The following DLG2 variants were observed in gnomAD, a reference collection of about 807,000 sequenced individuals.
DLG2 encodes the protein disks large homolog 2.
In DLG2, 45 loss-of-function variants were observed where a neutral mutation model predicts 132.5. The ratio of observed to expected loss-of-function variants is 0.34; its 90% confidence interval spans 0.27 to 0.44. The LOEUF (loss-of-function observed/expected upper bound fraction) is 0.44. Ranked by LOEUF, DLG2 falls within the 20% of genes least tolerant of loss-of-function variation. DLG2 has a pLI of 1.00. For missense variants in DLG2, 1,045 were observed against 1,196.9 expected (o/e 0.87, Z 1.87); for synonymous variants, 424 against 419.6 (o/e 1.01, Z -0.13).
chr11:84,887,591 C>A (rs1811085670), intron 6 of DLG2, among the ~76,000 whole-genome samples: 1 of 152,080 alleles, frequency 6.6e-6, no homozygotes, highest in South Asian at 2.1e-4. Flanking sequence ...ACATAAACGT[C>A]CAGTCCACTT....
At chr11:85,563,449 C>T (rs1233699714) in intron 3 of DLG2, among the ~76,000 whole-genome samples, 1 of 151,356 alleles carries the variant, frequency 6.6e-6, no homozygotes, top group East Asian at 1.9e-4. Context: ...TGTGCCACTT[C>T]CCAGCCAATC....
At chr11:85,250,233 C>T (rs530726467) in intron 4 of DLG2, among the ~76,000 whole-genome samples, 7 of 152,218 alleles carry the variant, frequency 4.6e-5, no homozygotes, top group Admixed American at 4.6e-4. Flanking sequence ...GTCCCTATCA[C>T]TCTACATACC....
chr11:85,578,770 T>C (rs954451343), intron 3 of DLG2, among the ~76,000 whole-genome samples: 2 of 152,202 alleles, frequency 1.3e-5, no homozygotes, highest in African/African-American at 4.8e-5. Flanking sequence ...CAAAAGCTTA[T>C]ACACTATTAG....
chr11:84,902,310 C>G (rs188108701), intron 6 of DLG2, among the ~76,000 whole-genome samples: 1 of 152,204 alleles, frequency 6.6e-6, no homozygotes, highest in East Asian at 1.9e-4. Flanking sequence ...CTTCTTTTAC[C>G]TTAGCATTTG....
chr11:84,064,279 G>C (rs1384844478), intron 10 of DLG2, among the ~76,000 whole-genome samples: 1 of 152,142 alleles, frequency 6.6e-6, no homozygotes, highest in East Asian at 1.9e-4. Flanking sequence ...TGAAGAGAAA[G>C]ATAGCGAAGT....
intron 6 of DLG2, among the ~76,000 whole-genome samples, chr11:84,787,633 C>G (rs944938895): frequency 2.6e-5 from 4 of 152,136 alleles, no homozygotes; most frequent in Non-Finnish European, 4.4e-5. Context: ...ATATTCTGAG[C>G]CTTGTGTCTA....
chr11:85,234,539 T>C (rs1321657025), intron 4 of DLG2, among the ~76,000 whole-genome samples: 1 of 152,060 alleles, frequency 6.6e-6, no homozygotes, highest in African/African-American at 2.4e-5. Context: ...AAGTGCCTAA[T>C]GATCAATTTG....
chr11:84,715,761 T>C (rs932653652), intron 6 of DLG2, among the ~76,000 whole-genome samples: 2 of 152,126 alleles, frequency 1.3e-5, no homozygotes, highest in Non-Finnish European at 1.5e-5. Context: ...TGTATCTCTA[T>C]AAAATAGATA....
chr11:84,868,461 CT>C, intron 6 of DLG2, among the ~76,000 whole-genome samples: 1 of 152,176 alleles, frequency 6.6e-6, no homozygotes, highest in East Asian at 1.9e-4. Flanking sequence ...CAATTTTTGG[CT>C]TTTGAGTTTT....
At chr11:84,977,546 T>C (rs1221821777) in intron 6 of DLG2, among the ~76,000 whole-genome samples, 2 of 152,194 alleles carry the variant, frequency 1.3e-5, no homozygotes. Flanking sequence ...GAAATTCTGA[T>C]ATTCATTAAC....
At chr11:85,071,489 A>T (rs1460352232) in intron 6 of DLG2, among the ~76,000 whole-genome samples, 1 of 151,890 alleles carries the variant, frequency 6.6e-6, no homozygotes, top group Non-Finnish European at 1.5e-5. Flanking sequence ...TTATTATTTG[A>T]AAGCGACAAT....
intron 9 of DLG2, among the ~76,000 whole-genome samples, chr11:84,130,582 C>T (rs2094381801): frequency 6.9e-6 from 1 of 144,312 alleles, no homozygotes; most frequent in African/African-American, 2.7e-5. Flanking sequence ...CACATAGACA[C>T]ACACACACAC....
At chr11:84,261,172 A>G (rs1233956848) in intron 7 of DLG2, among the ~76,000 whole-genome samples, 1 of 152,212 alleles carries the variant, frequency 6.6e-6, no homozygotes, top group Non-Finnish European at 1.5e-5. Flanking sequence ...TTTCTTCTGT[A>G]GTACATGGAT....
intron 6 of DLG2, among the ~76,000 whole-genome samples, chr11:84,559,397 T>C (rs914380108): frequency 3.9e-5 from 6 of 152,154 alleles, no homozygotes; most frequent in Non-Finnish European, 7.4e-5. Flanking sequence ...ATATGTAAAT[T>C]AGTATAATAT....
chr11:85,465,475 G>T (rs1315108137), intron 3 of DLG2, among the ~76,000 whole-genome samples: 5 of 151,906 alleles, frequency 3.3e-5, no homozygotes, highest in African/African-American at 9.7e-5. Flanking sequence ...CCCACAACAG[G>T]CCCTGGTGTG....
rs769117750 is a variant in DLG2 at position 83,833,295 on chromosome 11, G to A, written c.1722+319C>T. On this transcript the variant is annotated intron_variant, in intron 17 of 27. Transcript: ENST00000376104. Reference sequence around the variant, plus strand: ...TTTACTTAAAATACAAAAATTAGTCGGATGTGGCGGTGGGCAGCTATAATC... The same window carrying A: ...TTTACTTAAAATACAAAAATTAGTCAGATGTGGCGGTGGGCAGCTATAATC... Among the ~76,000 whole-genome samples, 151 of 152,090 alleles carry A rather than the reference G, an allele frequency of 9.9e-4. 2 individuals carry two copies. Among genetic ancestry groups the A allele is most frequent in the Admixed American group, 7.8e-4 (12 of 15,288 alleles).
intron 3 of DLG2, among the ~76,000 whole-genome samples, chr11:85,366,543 T>C (rs2084566973): frequency 6.6e-6 from 1 of 152,164 alleles, no homozygotes; most frequent in Non-Finnish European, 1.5e-5. Flanking sequence ...TAAATGGACA[T>C]TGCATATTTA....
intron 6 of DLG2, among the ~76,000 whole-genome samples, chr11:84,967,180 T>C (rs1257039547): frequency 1.3e-5 from 2 of 152,140 alleles, no homozygotes; most frequent in East Asian, 3.9e-4. Flanking sequence ...TACTGTAGTA[T>C]AGAAATTACA....
intron 7 of DLG2, among the ~76,000 whole-genome samples, chr11:84,386,791 T>C (rs182947545): frequency 6.6e-6 from 1 of 152,154 alleles, no homozygotes; most frequent in Non-Finnish European, 1.5e-5. Flanking sequence ...CCATGCATTT[T>C]AAAATGCATC....
Sources: gnomAD v4.1 joint callset for allele counts (sites outside exome capture counted in the v4.1 genomes callset) on GRCh38, gnomAD v4.1.1 for gene constraint, MANE v1.5 for transcripts, NCBI Gene and HGNC (gene_info 2026-07-23, HGNC 2026-07-21) for gene names.